Variants in LGR5 observed in about 807,000 individuals in gnomAD.
LGR5 encodes leucine rich repeat containing G protein-coupled receptor 5.
In LGR5, 54 loss-of-function variants were observed where a neutral mutation model predicts 76.7. That is an observed-to-expected ratio of 0.70 (90% CI 0.57 to 0.88). The LOEUF is 0.88. Among genes scored for constraint, LGR5 ranks in the 40% least tolerant of loss-of-function variants. The pLI is 0.00. For synonymous variants in LGR5, 406 were observed against 421.9 expected, an observed-to-expected ratio of 0.96 and a Z score of 0.46; for missense variants, 1,078 against 1,073.3, an observed-to-expected ratio of 1.00 and a Z score of -0.06.
chr12:71,572,958 G>T, intron 13 of LGR5, 37 bp downstream of exon 13: 1 of 1,506,388 alleles, frequency 6.6e-7, no homozygotes, highest in South Asian at 1.1e-5. Flanking sequence ...CCAGCACAGA[G>T]CATTTTCTTT....
intron 4 of LGR5, among the ~76,000 whole-genome samples, chr12:71,541,122 T>C (rs1030637250): frequency 6.6e-6 from 1 of 152,196 alleles, no homozygotes; most frequent in Admixed American, 6.5e-5. Context: ...AGTGAATTCT[T>C]ATGAGGAGGA....
intron 1 of LGR5, among the ~76,000 whole-genome samples, chr12:71,501,331 G>A (rs1199219374): frequency 1.3e-5 from 2 of 151,968 alleles, no homozygotes; most frequent in African/African-American, 4.8e-5. Context: ...AAAACCCTAG[G>A]GCCTAGACCT....
At position 71,558,089 on chromosome 12, in the gene LGR5, C is replaced by T. The variant is rs116716016; in HGVS notation, c.716+1399C>T. On this transcript the variant is annotated intron_variant, in intron 6 of 17. Transcript: ENST00000266674. ...TTAAGTCACCCTGTGTTTCTTCTTA[C>T]GTGGCAAAGATGGACTTGTCCAGGG... 3.9e-3 allele frequency among the ~76,000 whole-genome samples: 598 copies of T among 152,252 alleles called. 4 individuals are homozygous for T. The highest frequency in any genetic ancestry group is 0.014 in the African/African-American group (565 of 41,536).
At chr12:71,486,060 G>C (rs1023418005) in intron 1 of LGR5, among the ~76,000 whole-genome samples, 1 of 152,176 alleles carries the variant, frequency 6.6e-6, no homozygotes, top group Non-Finnish European at 1.5e-5. Flanking sequence ...CAGCACGCCA[G>C]GCCAATTAAG....
intron 7 of LGR5, among the ~76,000 whole-genome samples, chr12:71,560,680 T>A (rs1216038479): frequency 6.6e-6 from 1 of 152,098 alleles, no homozygotes; most frequent in Non-Finnish European, 1.5e-5. Context: ...TAATCCCAGC[T>A]TCTTGGAAGG....
chr12:71,510,993 G>T (rs1592502110), intron 2 of LGR5, among the ~76,000 whole-genome samples: 1 of 152,192 alleles, frequency 6.6e-6, no homozygotes, highest in African/African-American at 2.4e-5. Context: ...ACCAGATCGT[G>T]CAGGGCCAGT....
At chr12:71,463,281 T>C (rs976931355) in intron 1 of LGR5, among the ~76,000 whole-genome samples, 3 of 152,186 alleles carry the variant, frequency 2.0e-5, no homozygotes, top group African/African-American at 7.2e-5. Context: ...CTTGCACAAC[T>C]CAAGGAATTG....
intron 8 of LGR5, 55 bp from the exon 9 acceptor site, chr12:71,566,349 A>C: frequency 1.3e-5 from 14 of 1,081,904 alleles, no homozygotes; most frequent in Non-Finnish European, 2.0e-5. Context: ...TTGAACAGAT[A>C]TTCATCTTTC....
At chr12:71,451,027 C>A (rs538766133) in intron 1 of LGR5, among the ~76,000 whole-genome samples, 20 of 152,252 alleles carry the variant, frequency 1.3e-4, no homozygotes, top group African/African-American at 4.3e-4. Context: ...AAAGAAAAAC[C>A]TTAGGCAAAT....
chr12:71,484,398 C>G (rs1266381737), intron 1 of LGR5, among the ~76,000 whole-genome samples: 1 of 152,168 alleles, frequency 6.6e-6, no homozygotes, highest in Non-Finnish European at 1.5e-5. Flanking sequence ...GTTGATATCA[C>G]TATTAATATT....
chr12:71,563,393 C>T (rs1878158193), intron 8 of LGR5, among the ~76,000 whole-genome samples: 1 of 152,172 alleles, frequency 6.6e-6, no homozygotes, highest in African/African-American at 2.4e-5. Flanking sequence ...GTGAGGCTGG[C>T]CTCCCTCCCT....
At chr12:71,549,869 T>G (rs952860089) in intron 4 of LGR5, among the ~76,000 whole-genome samples, 4 of 151,928 alleles carry the variant, frequency 2.6e-5, no homozygotes, top group Non-Finnish European at 5.9e-5. Flanking sequence ...TTCTCCTGTC[T>G]TACTCATTTC....
intron 1 of LGR5, among the ~76,000 whole-genome samples, chr12:71,444,932 C>A (rs115272737): frequency 0.022 from 3,380 of 152,184 alleles, 38 homozygotes; most frequent in Middle Eastern, 0.055. Flanking sequence ...TTTTGACTTA[C>A]CTTAGCAAAG....
rs550509789 is a variant in LGR5, at chr12:71,550,170, T to C, written c.429-2903T>C. On this transcript the variant is annotated intron_variant, in intron 4 of 17. Transcript: ENST00000266674. The stretch of plus-strand genomic sequence containing the variant: ...CATTTTCAAGACTTTTATTTTTTTA[T>C]TTTTTTTTTATTTTCTGTTGGCCAG... Among the ~76,000 whole-genome samples the C allele has an allele frequency of 2.0e-5, 3 of 149,788 alleles. No individual in the cohort carries two copies. In the South Asian group the frequency reaches 6.3e-4, roughly 32 times the overall value.
At chr12:71,573,117 C>G (rs1878690219) in intron 13 of LGR5, 196 bp downstream of exon 13, 3 of 461,544 alleles carry the variant, frequency 6.5e-6, no homozygotes, top group South Asian at 3.6e-5. Flanking sequence ...CAATTATGCT[C>G]TCTACCAGTC....
At chr12:71,535,326 C>A in intron 4 of LGR5, 140 bp downstream of exon 4, 1 of 632,542 alleles carries the variant, frequency 1.6e-6, no homozygotes, top group Non-Finnish European at 2.8e-6. Flanking sequence ...ATTAGAGTAA[C>A]AACTCTTCAT....
At chr12:71,481,145 G>C (rs1039516898) in intron 1 of LGR5, among the ~76,000 whole-genome samples, 7 of 152,086 alleles carry the variant, frequency 4.6e-5, no homozygotes, top group Admixed American at 2.6e-4. Flanking sequence ...AGGTTACGTA[G>C]GTATACATGT....
intron 13 of LGR5, among the ~76,000 whole-genome samples, chr12:71,574,773 C>T (rs547338899): frequency 1.3e-5 from 2 of 152,204 alleles, no homozygotes; most frequent in Non-Finnish European, 2.9e-5. Flanking sequence ...GATTCCTCCC[C>T]ACCCATGACT....
chr12:71,512,300 T>C (rs997719878), intron 2 of LGR5, among the ~76,000 whole-genome samples: 6 of 152,192 alleles, frequency 3.9e-5, no homozygotes, highest in South Asian at 2.1e-4. Flanking sequence ...TGGGTACCTG[T>C]TAAAATCCAT....
Sources: gnomAD v4.1 joint callset for allele counts (sites outside exome capture counted in the v4.1 genomes callset) on GRCh38, gnomAD v4.1.1 for gene constraint, MANE v1.5 for transcripts, NCBI Gene and HGNC (gene_info 2026-07-23, HGNC 2026-07-21) for gene names.